The following MET variants were observed in gnomAD, a reference collection of about 807,000 sequenced individuals.
The protein encoded by MET is hepatocyte growth factor receptor.
A neutral mutation model predicts 133.1 loss-of-function variants in MET; 48 were observed. That is an observed-to-expected ratio of 0.36 (90% CI 0.29 to 0.46). The LOEUF is 0.46. Ranked by LOEUF, MET falls within the 20% of genes least tolerant of loss-of-function variation. The probability of loss-of-function intolerance (pLI) is 1.00; values close to 1 mark genes in which losing one functional copy is unlikely to be tolerated. For synonymous variants in MET, 628 were observed against 616.5 expected (o/e 1.02, Z -0.28); for missense variants, 1,442 against 1,695.9 (o/e 0.85, Z 2.63).
intron 2 of MET, among the ~76,000 whole-genome samples, chr7:116,702,464 T>A (rs1233171888): frequency 1.3e-5 from 2 of 152,122 alleles, no homozygotes; most frequent in African/African-American, 4.8e-5. Flanking sequence ...CCTAGCTTAA[T>A]GCCAAAATGA....
chr7:116,723,227 T>C (rs962107253), intron 2 of MET, among the ~76,000 whole-genome samples: 3 of 147,656 alleles, frequency 2.0e-5, no homozygotes, highest in Non-Finnish European at 4.5e-5. Context: ...TTCATTTCAT[T>C]CATTTCATCT....
chr7:116,672,516 C>A lies in MET; in HGVS notation c.-76C>A, dbSNP rs543650055. 1 of 397,500 alleles carries A rather than the reference C, an allele frequency of 2.5e-6. No homozygotes were observed. Among genetic ancestry groups the A allele is most frequent in the East Asian group, 3.6e-5 (1 of 28,010 alleles). The allele number at this position is 397,500 out of a possible 1,614,324, so 24.6% of individuals were successfully genotyped here. On this transcript the variant is annotated 5_prime_UTR_variant, in exon 1 of 21. Coordinates refer to ENST00000397752, the MANE Select transcript of MET (RefSeq NM_000245.4). ...GACTTGCTGAGAGGAGGCGGGGAGG[C>A]GCGGAGCGCGCGTGTGGTCCTTGCG...
chr7:116,790,158 C>T (rs951949650), intron 19 of MET, among the ~76,000 whole-genome samples: 1 of 152,182 alleles, frequency 6.6e-6, no homozygotes, highest in South Asian at 2.1e-4. Flanking sequence ...CTGCATACAA[C>T]CATTTTTAAA....
At position 116,793,814 on chromosome 7, in the gene MET, G is replaced by T. The variant is rs144978880; in HGVS notation, c.3799-1841G>T. 1.9e-3 allele frequency among the ~76,000 whole-genome samples: 287 copies of T among 152,098 alleles called. 1 individual carries two copies. Among genetic ancestry groups the T allele is most frequent in the Middle Eastern group, 0.017 (5 of 294 alleles). On this transcript the variant is annotated intron_variant, in intron 19 of 20. Coordinates refer to ENST00000397752, the MANE Select transcript of MET (RefSeq NM_000245.4). ...CTCAGGAGGCTGAGGCAGGAGAATC[G>T]CTTGAACCCGGGAGGAAGAGGTTGC...
Position 116,707,790 on chromosome 7 carries a change from C to T in MET, c.1200+7506C>T, listed in dbSNP as rs953465169. Among the ~76,000 whole-genome samples the T allele has an allele frequency of 4.6e-5, 7 of 152,164 alleles. 1 individual carries two copies. The South Asian group carries it at 1.0e-3, about 23-fold the overall frequency. Reference sequence around the variant, plus strand: ...GCACTAATGCAGTAGCAGTCAATAGCGAAAACTAATATCTCTAAAAAATAT... The same window carrying T: ...GCACTAATGCAGTAGCAGTCAATAGTGAAAACTAATATCTCTAAAAAATAT... On this transcript the variant is annotated intron_variant, in intron 2 of 20. Coordinates refer to ENST00000397752, the MANE Select transcript of MET (RefSeq NM_000245.4).
intron 2 of MET, among the ~76,000 whole-genome samples, chr7:116,726,838 T>C (rs535751332): frequency 6.6e-6 from 1 of 152,330 alleles, no homozygotes; most frequent in South Asian, 2.1e-4. Flanking sequence ...AGCTTGAGAC[T>C]GCTTCAAGGC....
chr7:116,796,487 T>C lies in MET; in HGVS notation c.*363T>C, dbSNP rs560298133. ...TTGATCACAGAAAACTCAGAAGAGA[T>C]AGTAATGCTCAGGACAGGAGCGGCA... is the stretch of plus-strand genomic sequence containing the variant. On this transcript the variant is annotated 3_prime_UTR_variant, in exon 21 of 21. Coordinates refer to ENST00000397752, the MANE Select transcript of MET (RefSeq NM_000245.4). 6 of 424,426 alleles carry C rather than the reference T, an allele frequency of 1.4e-5. No homozygotes were observed. Among genetic ancestry groups the C allele is most frequent in the Non-Finnish European group, 2.2e-5 (5 of 229,094 alleles). 26.3% of individuals were successfully genotyped at this position (424,426 alleles called of 1,614,324 possible). A position where few individuals can be genotyped will look rare whatever the true frequency, so the allele number is the denominator to read the frequency against.
chr7:116,718,264 C>T (rs1046058900), intron 2 of MET, among the ~76,000 whole-genome samples: 1 of 152,022 alleles, frequency 6.6e-6, no homozygotes, highest in Non-Finnish European at 1.5e-5. Context: ...TGGCGGGCAC[C>T]TGTAGTCTCA....
chr7:116,791,032 C>A (rs1341414146), intron 19 of MET, among the ~76,000 whole-genome samples: 1 of 152,166 alleles, frequency 6.6e-6, no homozygotes, highest in Non-Finnish European at 1.5e-5. Context: ...GAGCTGAGAT[C>A]ATGCCACTGT....
chr7:116,685,518 T>C (rs2116502878), intron 1 of MET, among the ~76,000 whole-genome samples: 1 of 151,944 alleles, frequency 6.6e-6, no homozygotes, highest in East Asian at 1.9e-4. Flanking sequence ...AAACCCCGTC[T>C]CTACTAAAAA....
chr7:116,768,175 C>T (rs1794701208), intron 11 of MET, among the ~76,000 whole-genome samples: 1 of 151,952 alleles, frequency 6.6e-6, no homozygotes, highest in Non-Finnish European at 1.5e-5. Flanking sequence ...CCAGGGAGAT[C>T]CTAAGCCTGA....
chr7:116,700,271 A>G lies in MET; in HGVS notation c.1187A>G (p.His396Arg). 1 of 1,603,620 alleles carries G rather than the reference A, an allele frequency of 6.2e-7. No homozygotes were observed. Among genetic ancestry groups the G allele is most frequent in the East Asian group, 2.2e-5 (1 of 44,854 alleles). ...CATTTTTACGGACCCAATCATGAGCACTGCTTTAATAGGGTAAGTCACATC... is the reference window on the plus strand; with the variant it reads ...CATTTTTACGGACCCAATCATGAGCGCTGCTTTAATAGGGTAAGTCACATC... ...LQHFYGPNHE[H>R]CFNRTLLRNS... Residue 396 changes from histidine (H) to arginine (R), a missense_variant, in exon 2 of 21, where the codon CAC becomes CGC. By Grantham distance (29) the His-to-Arg change is conservative. Transcript: ENST00000397752.
chr7:116,755,036 G>GAAAGAAAGAAAGA lies in MET; in HGVS notation c.1702-312_1702-311insGAAAGAAAAGAAA, dbSNP rs1554394838. The stretch of plus-strand genomic sequence containing the variant: ...AGAAAGAAAGAAAGAAAGAAAGAAA[G>GAAAGAAAGAAAGA]AAAGAAAAGAAAGAAAGAACGGAAG... On this transcript the variant is annotated intron_variant, in intron 5 of 20. Coordinates refer to ENST00000397752, the MANE Select transcript of MET (RefSeq NM_000245.4). Among the ~76,000 whole-genome samples the GAAAGAAAGAAAGA allele has an allele frequency of 8.6e-5, 13 of 151,472 alleles. No homozygotes were observed. The East Asian group carries it at 1.8e-3, about 20-fold the overall frequency.
In MET at chr7:116,699,229, G is replaced by A. The variant is rs1060503528; in HGVS notation, c.145G>A (p.Glu49Lys). The change falls in exon 2 of 21, where the codon GAA becomes AAA. Residue 49 changes from glutamate to lysine, a missense_variant. Glu to Lys is a moderately conservative substitution (Grantham distance 56, BLOSUM62 1). Transcript: ENST00000397752. ...MKYQLPNFTAETPIQNVILHE... is the reference protein window; with the variant it reads ...MKYQLPNFTAKTPIQNVILHE... ...GTATCAGCTTCCCAACTTCACCGCG[G>A]AAACACCCATCCAGAATGTCATTCT... The A allele has an allele frequency of 6.2e-7, 1 of 1,613,948 alleles. No homozygotes were observed. The highest frequency in any genetic ancestry group is 8.5e-7 in the Non-Finnish European group (1 of 1,179,922).
At chr7:116,753,121 G>A (rs1793993663) in intron 5 of MET, among the ~76,000 whole-genome samples, 1 of 152,220 alleles carries the variant, frequency 6.6e-6, no homozygotes, top group South Asian at 2.1e-4. Context: ...AAACTTTAAA[G>A]GGGTTTGATA....
intron 2 of MET, among the ~76,000 whole-genome samples, chr7:116,730,034 T>C (rs1792941717): frequency 6.6e-6 from 1 of 152,188 alleles, no homozygotes; most frequent in South Asian, 2.1e-4. Context: ...TGTTGCAGCT[T>C]GTAACTATGT....
At position 116,793,250 on chromosome 7, in the gene MET, C is replaced by G. The variant is rs567698515; in HGVS notation, c.3799-2405C>G. ...AGTGCAGGGGCGCGATCTCAGCTCA[C>G]TGCAACTTCCACCTCCCAGGTTCAA... On this transcript the variant is annotated intron_variant, in intron 19 of 20. Coordinates refer to ENST00000397752, the MANE Select transcript of MET (RefSeq NM_000245.4). 8.6e-5 allele frequency among the ~76,000 whole-genome samples: 13 copies of G among 151,928 alleles called. No individual in the cohort carries two copies. The South Asian group carries it at 2.7e-3, about 32-fold the overall frequency.
chr7:116,714,743 A>ATG lies in MET; in HGVS notation c.1200+14459_1200+14460insTG, dbSNP rs1022869188. Among the ~76,000 whole-genome samples the ATG allele has an allele frequency of 7.7e-5, 9 of 117,030 alleles. 1 individual carries two copies. In the South Asian group the frequency reaches 1.0e-3, roughly 13 times the overall value. The allele number at this position is 117,030 out of a possible 152,430, so 76.8% of individuals were successfully genotyped here. ...TTTATACAGTTAAACACTCACATGCACGCACACACACACACACACACACAC... is the reference window on the plus strand; with the variant it reads ...TTTATACAGTTAAACACTCACATGCATGCGCACACACACACACACACACACAC... On this transcript the variant is annotated intron_variant, in intron 2 of 20. Coordinates refer to ENST00000397752, the MANE Select transcript of MET (RefSeq NM_000245.4).
chr7:116,731,455 C>T (rs889991572), intron 2 of MET, among the ~76,000 whole-genome samples: 25 of 152,136 alleles, frequency 1.6e-4, no homozygotes, highest in Middle Eastern at 3.4e-3. Context: ...GTGTGAATTG[C>T]GATAGTAAGG....
Sources: gnomAD v4.1 joint callset for allele counts (sites outside exome capture counted in the v4.1 genomes callset) on GRCh38, gnomAD v4.1.1 for gene constraint, MANE v1.5 for transcripts, NCBI Gene and HGNC (gene_info 2026-07-23, HGNC 2026-07-21) for gene names.